Variants in ANKRD16 observed in about 807,000 individuals in gnomAD.
ANKRD16 encodes ankyrin repeat domain-containing protein 16.
A neutral mutation model predicts 37.9 loss-of-function variants in ANKRD16; 35 were observed. The observed-to-expected ratio is 0.92, with a 90% CI of 0.71 to 1.23. The LOEUF (loss-of-function observed/expected upper bound fraction) is 1.23, where lower values mean the gene tolerates loss of function less well. ANKRD16 is among the 50% of genes most tolerant of loss of function. The probability of loss-of-function intolerance (pLI) is 0.00; values close to 1 mark genes in which losing one functional copy is unlikely to be tolerated. For synonymous variants in ANKRD16, 206 were observed against 197.2 expected, an observed-to-expected ratio of 1.04 and a Z score of -0.37; for missense variants, 480 against 469.9, an observed-to-expected ratio of 1.02 and a Z score of -0.20.
Position 5,869,256 on chromosome 10 carries a change from A to G in ANKRD16, c.*34-6565T>C, listed in dbSNP as rs1564413862. Reference sequence around the variant, plus strand: ...GTGATAGTTTCCTGGGAGCACAAATATGTCTGAATTAATCAAACTGTATAT... The same window carrying G: ...GTGATAGTTTCCTGGGAGCACAAATGTGTCTGAATTAATCAAACTGTATAT... On this transcript the variant is annotated intron_variant, in intron 7 of 7. Coordinates refer to ENST00000380094, the MANE Select transcript of ANKRD16 (RefSeq NM_019046.3). The surrounding 1 kb of genome is among the most constrained non-coding windows in gnomAD (Gnocchi z 4.0). Among the ~76,000 whole-genome samples, 2 of 152,200 alleles carry G rather than the reference A, an allele frequency of 1.3e-5. No individual in the cohort carries two copies. The highest frequency in any genetic ancestry group is 2.9e-5 in the Non-Finnish European group (2 of 68,040).
At chr10:5,887,430 T>C (rs1000241947) in intron 2 of ANKRD16, among the ~76,000 whole-genome samples, 13 of 149,764 alleles carry the variant, frequency 8.7e-5, no homozygotes, top group Admixed American at 3.4e-4. Flanking sequence ...TGTAGTGTAA[T>C]GTAGTGCAAT....
At chr10:5,873,221 A>G (rs1048670116) in intron 7 of ANKRD16, among the ~76,000 whole-genome samples, 1 of 151,552 alleles carries the variant, frequency 6.6e-6, no homozygotes, top group African/African-American at 2.4e-5. Context: ...TAGTACAGAC[A>G]GGGTTTCACT....
chr10:5,872,248 G>T (rs1842101739), intron 7 of ANKRD16, among the ~76,000 whole-genome samples: 2 of 152,106 alleles, frequency 1.3e-5, no homozygotes, highest in Admixed American at 1.3e-4. Flanking sequence ...GGAGGCTGAG[G>T]CGGGCGCATC....
Position 5,871,102 on chromosome 10 carries a change from C to T in ANKRD16, c.*33+6995G>A, listed in dbSNP as rs1363143273. Among the ~76,000 whole-genome samples the T allele has an allele frequency of 2.0e-5, 3 of 152,114 alleles. No homozygotes were observed. The highest frequency in any genetic ancestry group is 4.1e-4 in the South Asian group (2 of 4,820). ...TTCCTTCTCAGTAAAAATCATGTCA[C>T]GCAGCCAGGCTTGGTGGTTCACGCC... is the stretch of plus-strand genomic sequence containing the variant. On this transcript the variant is annotated intron_variant, in intron 7 of 7. Transcript: ENST00000380094. The surrounding 1 kb of genome is among the most constrained non-coding windows in gnomAD (Gnocchi z 4.5).
Position 5,883,086 on chromosome 10 carries a change from A to T in ANKRD16, c.769T>A (p.Phe257Ile), listed in dbSNP as rs376680236. The change falls in exon 5 of 8, where the codon TTC (phenylalanine) becomes ATC (isoleucine). Residue 257 changes from phenylalanine to isoleucine, a missense_variant. Physicochemically the swap from Phe to Ile is conservative, Grantham distance 21. Coordinates refer to ENST00000380094, the MANE Select transcript of ANKRD16 (RefSeq NM_019046.3). The part of the protein sequence containing the change: ...AVTGQDEAIR[F>I]LVSELGVDVD... ...TCGACGCCAAGTTCAGAGACCAAGA[A>T]TCGGATGGCTTCGTCCTGCCCTGTG... 5 of 1,614,126 alleles carry T rather than the reference A, an allele frequency of 3.1e-6. No homozygotes were observed. The African/African-American group carries it at 6.7e-5, about 22-fold the overall frequency.
chr10:5,884,449 A>G (rs1842379943), intron 3 of ANKRD16, among the ~76,000 whole-genome samples: 2 of 152,150 alleles, frequency 1.3e-5, no homozygotes, highest in South Asian at 2.1e-4. Context: ...TCTGTGTCTG[A>G]GCTGGGCACA....
Position 5,888,019 on chromosome 10 carries a change from C to T in ANKRD16, c.363G>A (p.Gln121=), listed in dbSNP as rs370457689. 10 of 1,614,092 alleles carry T rather than the reference C, an allele frequency of 6.2e-6. No homozygotes were observed. Among genetic ancestry groups the T allele is most frequent in the Non-Finnish European group, 8.5e-6 (10 of 1,180,040 alleles). The change falls in exon 2 of 8, where the codon CAG becomes CAA. Residue 121 remains glutamine, a synonymous_variant. Transcript: ENST00000380094. ...ACTRKNLGVI[Q]ELVEHGANPL... ...GATTGGCGCCATGTTCCACCAGCTC[C>T]TGGATCACCCCCAGGTTCTTCCTTG...
At chr10:5,872,321 A>T (rs1842103279) in intron 7 of ANKRD16, among the ~76,000 whole-genome samples, 2 of 151,894 alleles carry the variant, frequency 1.3e-5, no homozygotes, top group Non-Finnish European at 2.9e-5. Context: ...TCTACTAAAA[A>T]TACAAAAATT....
At chr10:5,883,883 A>T (rs2131776693) in intron 4 of ANKRD16, 86 bp downstream of exon 4, 1 of 1,187,974 alleles carries the variant, frequency 8.4e-7, no homozygotes, top group East Asian at 2.5e-5. Context: ...GGAACCTGGG[A>T]TCTGAGTAAC....
chr10:5,879,499 G>C (rs1842249603), intron 6 of ANKRD16, among the ~76,000 whole-genome samples: 3 of 151,756 alleles, frequency 2.0e-5, no homozygotes, highest in Non-Finnish European at 4.4e-5. Flanking sequence ...CTAAACCCTT[G>C]CAAGATGGCC....
In ANKRD16 at chr10:5,878,688, C is replaced by T. The variant is rs888967836; in HGVS notation, c.929-401G>A. Among the ~76,000 whole-genome samples, 10 of 151,458 alleles carry T rather than the reference C, an allele frequency of 6.6e-5. No homozygotes were observed. The highest frequency in any genetic ancestry group is 3.4e-3 in the Middle Eastern group (1 of 294). ...TGGTGCATGCCTGTAATCCCAGCTA[C>T]TCGGGAGGCTGAGGCAGGAAAATCG... On this transcript the variant is annotated intron_variant, in intron 6 of 7. Coordinates refer to ENST00000380094, the MANE Select transcript of ANKRD16 (RefSeq NM_019046.3). This position sits in a 1 kb window ranked among gnomAD's most constrained non-coding sequence, Gnocchi z 5.1.
chr10:5,882,841 A>C (rs1842338785), intron 5 of ANKRD16, 165 bp downstream of exon 5: 3 of 701,454 alleles, frequency 4.3e-6, no homozygotes, highest in Non-Finnish European at 6.5e-6. Flanking sequence ...TCAGGTTTCT[A>C]TTTAAAGAGA....
At chr10:5,886,060 A>G (rs1042910088) in intron 2 of ANKRD16, among the ~76,000 whole-genome samples, 1 of 152,204 alleles carries the variant, frequency 6.6e-6, no homozygotes, top group East Asian at 1.9e-4. Flanking sequence ...GTGGATCCCC[A>G]AGACTAGTCC....
Position 5,871,560 on chromosome 10 carries a change from CTAGA to C in ANKRD16, c.*33+6533_*33+6536del, listed in dbSNP as rs1327636614. The stretch of plus-strand genomic sequence containing the variant: ...TGTGCTCCACAAATCCCCCACCCTC[CTAGA>C]TACTGGCATTGAATGAGGCGCCCAC... On this transcript the variant is annotated intron_variant, in intron 7 of 7. Coordinates refer to ENST00000380094, the MANE Select transcript of ANKRD16 (RefSeq NM_019046.3). This position sits in a 1 kb window ranked among gnomAD's most constrained non-coding sequence, Gnocchi z 4.5. 6.6e-6 allele frequency among the ~76,000 whole-genome samples: 1 copy of C among 152,196 alleles called. No homozygotes were observed. The highest frequency in any genetic ancestry group is 2.4e-5 in the African/African-American group (1 of 41,454).
At position 5,871,455 on chromosome 10, in the gene ANKRD16, AAG is replaced by A. The variant is rs1842089251; in HGVS notation, c.*33+6640_*33+6641del. ...ACACCACATCACTCTTTCCAACTGAAAGAGTGTAATTTAAAAAAGTGTAAAAA... is the reference window on the plus strand; with the variant it reads ...ACACCACATCACTCTTTCCAACTGAAAGTGTAATTTAAAAAAGTGTAAAAA... On this transcript the variant is annotated intron_variant, in intron 7 of 7. Coordinates refer to ENST00000380094, the MANE Select transcript of ANKRD16 (RefSeq NM_019046.3). This position sits in a 1 kb window ranked among gnomAD's most constrained non-coding sequence, Gnocchi z 4.5. Among the ~76,000 whole-genome samples, 1 of 152,150 alleles carries A rather than the reference AAG, an allele frequency of 6.6e-6. No homozygotes were observed. The highest frequency in any genetic ancestry group is 2.4e-5 in the African/African-American group (1 of 41,412).
intron 5 of ANKRD16, 34 bp from the exon 6 acceptor site, chr10:5,880,410 A>G: frequency 7.0e-7 from 1 of 1,428,590 alleles, no homozygotes; most frequent in Non-Finnish European, 9.6e-7. Context: ...CACTGTGATG[A>G]GGATAAAAGA....
Position 5,865,962 on chromosome 10 carries a change from A to C in ANKRD16, c.*34-3271T>G, listed in dbSNP as rs1458861533. Among the ~76,000 whole-genome samples, 3 of 152,110 alleles carry C rather than the reference A, an allele frequency of 2.0e-5. No individual in the cohort carries two copies. The highest frequency in any genetic ancestry group is 2.9e-5 in the Non-Finnish European group (2 of 68,012). Reference sequence around the variant, plus strand: ...CAACCCCACAACCAGTGGCATACCTAAGTAAGGAAACTGATATAGTAGCAA... The same window carrying C: ...CAACCCCACAACCAGTGGCATACCTCAGTAAGGAAACTGATATAGTAGCAA... On this transcript the variant is annotated intron_variant, in intron 7 of 7. Transcript: ENST00000380094. The surrounding 1 kb of genome is among the most constrained non-coding windows in gnomAD (Gnocchi z 4.7).
In ANKRD16 at chr10:5,868,118, C is replaced by G. The variant is rs954376576; in HGVS notation, c.*34-5427G>C. Among the ~76,000 whole-genome samples the G allele has an allele frequency of 1.5e-4, 23 of 152,222 alleles. No individual in the cohort carries two copies. Among genetic ancestry groups the G allele is most frequent in the Non-Finnish European group, 2.9e-5 (2 of 68,038 alleles). On this transcript the variant is annotated intron_variant, in intron 7 of 7. Coordinates refer to ENST00000380094, the MANE Select transcript of ANKRD16 (RefSeq NM_019046.3). This position sits in a 1 kb window ranked among gnomAD's most constrained non-coding sequence, Gnocchi z 4.9. ...TCCCGTGACATCCATCTTGCTATTA[C>G]TCACCTTTGGGCCCTGTATTTTTAA...
chr10:5,880,082 C>A (rs541764746), intron 6 of ANKRD16, among the ~76,000 whole-genome samples: 8 of 146,832 alleles, frequency 5.4e-5, no homozygotes, highest in African/African-American at 2.0e-4. Flanking sequence ...TCACTTGAGC[C>A]AGGAGGTGGA....
Sources: allele counts gnomAD v4.1 joint callset (sites outside exome capture counted in the v4.1 genomes callset), GRCh38; gene constraint gnomAD v4.1.1; non-coding constraint Gnocchi (gnomAD v3.1); transcripts MANE v1.5; gene names NCBI Gene and HGNC (gene_info 2026-07-23, HGNC 2026-07-21).